Variants in MYO3A observed in about 807,000 individuals in gnomAD.
The protein encoded by MYO3A is myosin-IIIa.
Under a neutral mutation model 192.7 loss-of-function variants are expected in MYO3A, and 180 were observed. The ratio of observed to expected loss-of-function variants is 0.93; its 90% CI spans 0.83 to 1.06. MYO3A has a LOEUF of 1.06. Ranked by LOEUF, MYO3A falls within the 50% of genes least tolerant of loss-of-function variation. The probability of loss-of-function intolerance (pLI) is 0.00; values close to 1 mark genes in which losing one functional copy is unlikely to be tolerated. For missense variants in MYO3A, 1,896 were observed against 1,905.0 expected (o/e 1.00, Z 0.09); for synonymous variants, 628 against 645.3 (o/e 0.97, Z 0.41).
chr10:26,106,748 A>G (rs1016268660), intron 17 of MYO3A, among the ~76,000 whole-genome samples: 2 of 152,108 alleles, frequency 1.3e-5, no homozygotes, highest in Admixed American at 6.5e-5. Flanking sequence ...TTTTTCCTAC[A>G]GCAGTTTGTT....
At chr10:25,963,908 C>T (rs1214925304) in intron 4 of MYO3A, among the ~76,000 whole-genome samples, 1 of 151,886 alleles carries the variant, frequency 6.6e-6, no homozygotes, top group Non-Finnish European at 1.5e-5. Context: ...ACTTCAGTGC[C>T]GGAAAAAGCA....
chr10:26,083,550 G>A (rs1836109303), intron 14 of MYO3A, among the ~76,000 whole-genome samples: 1 of 152,078 alleles, frequency 6.6e-6, no homozygotes, highest in African/African-American at 2.4e-5. Flanking sequence ...TGAAGAGAGT[G>A]CGCATTTTTT....
chr10:25,964,185 A>G (rs1333266605), intron 4 of MYO3A, among the ~76,000 whole-genome samples: 3 of 152,144 alleles, frequency 2.0e-5, no homozygotes, highest in East Asian at 3.9e-4. Context: ...ATGATTGTAT[A>G]TGATTACTAA....
chr10:26,089,867 A>G lies in MYO3A; in HGVS notation c.1562+1462A>G, dbSNP rs1037836337. 2.0e-4 allele frequency among the ~76,000 whole-genome samples: 31 copies of G among 152,238 alleles called. 2 individuals are homozygous for G. The highest frequency in any genetic ancestry group is 4.8e-5 in the African/African-American group (2 of 41,466). ...CAGTATATAGCACAATGAATGGCATATATTAAGAACCCCATAAGTTTAAGC... is the reference window on the plus strand; with the variant it reads ...CAGTATATAGCACAATGAATGGCATGTATTAAGAACCCCATAAGTTTAAGC... On this transcript the variant is annotated intron_variant, in intron 15 of 34. Transcript: ENST00000642920.
intron 17 of MYO3A, among the ~76,000 whole-genome samples, chr10:26,114,923 C>A (rs1183550975): frequency 6.6e-6 from 1 of 151,988 alleles, no homozygotes; most frequent in African/African-American, 2.4e-5. Flanking sequence ...AAATGAACAC[C>A]CCAGAATGGG....
rs561261503 is a variant in MYO3A, at chr10:26,170,316, C to T, written c.3275-100C>T. 10 of 1,325,826 alleles carry T rather than the reference C, an allele frequency of 7.5e-6. No homozygotes were observed. The South Asian group carries it at 1.1e-4, about 14-fold the overall frequency. 82.1% of individuals were successfully genotyped at this position (1,325,826 alleles called of 1,614,324 possible). A position where few individuals can be genotyped will look rare whatever the true frequency, so the allele number is the denominator to read the frequency against. On this transcript the variant is annotated intron_variant, in intron 28 of 34. Transcript: ENST00000642920. ...TATTTGGCATTTTAATTTTATTTTC[C>T]TCTTTGACATCAATGGTCAAAGCCA...
At chr10:26,002,564 G>A (rs574822033) in intron 6 of MYO3A, among the ~76,000 whole-genome samples, 5 of 152,252 alleles carry the variant, frequency 3.3e-5, no homozygotes, top group Admixed American at 2.6e-4. Flanking sequence ...GGTTATGACC[G>A]AGCAGGTAAT....
At chr10:26,107,847 C>G (rs1233042321) in intron 17 of MYO3A, among the ~76,000 whole-genome samples, 3 of 152,038 alleles carry the variant, frequency 2.0e-5, no homozygotes, top group Non-Finnish European at 2.9e-5. Flanking sequence ...CTATTGGATG[C>G]ATTTACCCAT....
At chr10:26,183,212 C>T (rs1842695713) in intron 31 of MYO3A, among the ~76,000 whole-genome samples, 1 of 152,160 alleles carries the variant, frequency 6.6e-6, no homozygotes, top group South Asian at 2.1e-4. Context: ...TTACCTGAAC[C>T]TACCAGTATT....
At chr10:26,100,751 G>A (rs1024279013) in intron 17 of MYO3A, among the ~76,000 whole-genome samples, 5 of 152,168 alleles carry the variant, frequency 3.3e-5, no homozygotes, top group African/African-American at 1.2e-4. Context: ...TTGCACTGTG[G>A]TCTGAGAGAC....
chr10:26,191,644 C>T (rs1254880994), intron 31 of MYO3A, among the ~76,000 whole-genome samples: 1 of 152,150 alleles, frequency 6.6e-6, no homozygotes, highest in Non-Finnish European at 1.5e-5. Flanking sequence ...ATTTCCCATA[C>T]CTTTTGGAAT....
chr10:26,087,941 T>G (rs967218781), intron 14 of MYO3A, among the ~76,000 whole-genome samples: 1 of 152,212 alleles, frequency 6.6e-6, no homozygotes, highest in African/African-American at 2.4e-5. Flanking sequence ...TTATAAATTA[T>G]GTTTGTAAAT....
intron 14 of MYO3A, among the ~76,000 whole-genome samples, chr10:26,076,905 C>G (rs1222480602): frequency 1.3e-5 from 2 of 151,970 alleles, no homozygotes; most frequent in East Asian, 3.9e-4. Context: ...TGGCCTTATA[C>G]TGTAGTTTGA....
chr10:26,182,088 T>A (rs951563543), intron 31 of MYO3A, among the ~76,000 whole-genome samples: 1 of 152,174 alleles, frequency 6.6e-6, no homozygotes, highest in Admixed American at 6.6e-5. Flanking sequence ...CGCGAGGTGG[T>A]TCATTAACAA....
chr10:26,097,775 C>T (rs537398265), intron 17 of MYO3A, among the ~76,000 whole-genome samples: 195 of 152,268 alleles, frequency 1.3e-3, no homozygotes, highest in Non-Finnish European at 2.4e-3. Flanking sequence ...TTTTCTTAAT[C>T]CAGTCTATCA....
chr10:25,962,114 T>G (rs756780188), intron 4 of MYO3A, among the ~76,000 whole-genome samples: 9 of 152,180 alleles, frequency 5.9e-5, no homozygotes, highest in Non-Finnish European at 1.2e-4. Flanking sequence ...ATCACTTTAC[T>G]TATATTTCAA....
Position 26,016,867 on chromosome 10 carries a change from G to C in MYO3A, c.556G>C (p.Val186Leu), listed in dbSNP as rs1331753934. Reference sequence around the variant, plus strand: ...TACCCGGCACCGTCGGAACACATCCGTAGGAACACCGTTTTGGATGGCTCC... The same window carrying C: ...TACCCGGCACCGTCGGAACACATCCCTAGGAACACCGTTTTGGATGGCTCC... ...TSTRHRRNTS[V>L]GTPFWMAPEV... is the part of the protein sequence containing the mutation. Residue 186 changes from valine (V) to leucine (L), a missense_variant, in exon 7 of 35, where the codon GTA becomes CTA. Val to Leu is a conservative substitution (Grantham distance 32). Coordinates refer to ENST00000642920, the MANE Select transcript of MYO3A (RefSeq NM_017433.5). 2.5e-6 allele frequency: 4 copies of C among 1,614,062 alleles called. No individual in the cohort carries two copies. Among genetic ancestry groups the C allele is most frequent in the African/African-American group, 2.7e-5 (2 of 74,938 alleles).
chr10:26,194,108 C>A (rs1843285382), intron 32 of MYO3A, among the ~76,000 whole-genome samples: 1 of 152,158 alleles, frequency 6.6e-6, no homozygotes, highest in Admixed American at 6.5e-5. Context: ...CTCATTTCCC[C>A]CCTCTAATCT....
intron 4 of MYO3A, among the ~76,000 whole-genome samples, chr10:25,977,854 G>A (rs1839053129): frequency 6.6e-6 from 1 of 152,060 alleles, no homozygotes; most frequent in South Asian, 2.1e-4. Context: ...TCCACTTCCA[G>A]ATAGAAATAT....
Sources: allele counts gnomAD v4.1 joint callset (sites outside exome capture counted in the v4.1 genomes callset), GRCh38; gene constraint gnomAD v4.1.1; transcripts MANE v1.5; gene names NCBI Gene and HGNC (gene_info 2026-07-23, HGNC 2026-07-21).